ANKRD44: variants seen among roughly 807,000 people sequenced by gnomAD.
ANKRD44 encodes the protein ankyrin repeat domain 44, also known as serine/threonine-protein phosphatase 6 regulatory ankyrin repeat subunit B.
ANKRD44 carries 35 observed loss-of-function variants against 116.0 expected under a neutral mutation model. The ratio of observed to expected loss-of-function variants is 0.30; its 90% CI spans 0.23 to 0.40. The LOEUF (loss-of-function observed/expected upper bound fraction) is 0.40, where lower values mean the gene tolerates loss of function less well. ANKRD44 is among the 10% of genes least tolerant of loss of function. ANKRD44 has a pLI of 1.00. For synonymous variants in ANKRD44, 435 were observed against 461.8 expected, an observed-to-expected ratio of 0.94 and a Z score of 0.74; for missense variants, 1,014 against 1,242.6, an observed-to-expected ratio of 0.82 and a Z score of 2.77.
chr2:196,986,576 TTAAAGTTA>T, downstream of ANKRD44: 1 of 419,832 alleles, frequency 2.4e-6, no homozygotes, highest in Non-Finnish European at 3.2e-6. Context: ...TTTTCTAAAT[TTAAAGTTA>T]ATTTGGCTTG....
intron 1 of ANKRD44, among the ~76,000 whole-genome samples, chr2:197,189,327 T>C (rs1447190538): frequency 1.3e-5 from 2 of 152,230 alleles, no homozygotes; most frequent in African/African-American, 2.4e-5. Flanking sequence ...ATTCTGCTTC[T>C]TGACAAGGTG....
chr2:197,179,706 C>T (rs1020274858), intron 2 of ANKRD44, among the ~76,000 whole-genome samples: 3 of 152,170 alleles, frequency 2.0e-5, no homozygotes, highest in African/African-American at 7.2e-5. Flanking sequence ...GGTGTCTGGC[C>T]TCCATGTCCA....
intron 16 of ANKRD44, 154 bp downstream of exon 16, chr2:197,078,549 C>A: frequency 6.7e-7 from 1 of 1,500,540 alleles, no homozygotes; most frequent in Non-Finnish European, 9.0e-7. Flanking sequence ...GTAGAAAAAA[C>A]ACTTTTTGAA....
chr2:197,205,238 A>G (rs2081180104), intron 1 of ANKRD44, among the ~76,000 whole-genome samples: 1 of 152,128 alleles, frequency 6.6e-6, no homozygotes, highest in Non-Finnish European at 1.5e-5. Context: ...GTCAAATGTT[A>G]TTTCTGGTTC....
At chr2:197,178,819 T>C (rs2125571626) in intron 2 of ANKRD44, among the ~76,000 whole-genome samples, 1 of 152,330 alleles carries the variant, frequency 6.6e-6, no homozygotes, top group East Asian at 1.9e-4. Context: ...GTATAAGAAA[T>C]TAGGTAAGGA....
intron 16 of ANKRD44, among the ~76,000 whole-genome samples, chr2:197,073,415 C>T (rs924265349): frequency 6.6e-6 from 1 of 152,124 alleles, no homozygotes; most frequent in African/African-American, 2.4e-5. Context: ...CAAGGAGAAC[C>T]CCAGGCTAGC....
intron 2 of ANKRD44, among the ~76,000 whole-genome samples, chr2:197,176,887 A>AT (rs1326222354): frequency 6.6e-6 from 1 of 151,824 alleles, no homozygotes; most frequent in Non-Finnish European, 1.5e-5. Context: ...CCATATACAC[A>AT]TTTCAGGTCT....
intron 20 of ANKRD44, among the ~76,000 whole-genome samples, chr2:197,006,640 T>A (rs754544244): frequency 6.6e-6 from 1 of 152,106 alleles, no homozygotes; most frequent in Non-Finnish European, 1.5e-5. Flanking sequence ...ATGCAAAGGC[T>A]CTCAGCTTGT....
chr2:196,967,571 T>C, intron 21 of ANKRD44: 1 of 376,958 alleles, frequency 2.7e-6, no homozygotes, highest in South Asian at 1.9e-5. Context: ...TGGGGAATGC[T>C]CAAGTAAGGA....
chr2:197,152,259 T>C (rs1179964711), intron 2 of ANKRD44, among the ~76,000 whole-genome samples: 1 of 152,226 alleles, frequency 6.6e-6, no homozygotes. Flanking sequence ...AATAGTTACA[T>C]AGGCTTTTAT....
intron 1 of ANKRD44, among the ~76,000 whole-genome samples, chr2:197,252,332 GC>G (rs898370202): frequency 2.4e-5 from 2 of 82,990 alleles, no homozygotes; most frequent in African/African-American, 9.2e-5. Context: ...CCCGCTACCC[GC>G]CCCGCCCCGC....
At chr2:197,063,119 G>A (rs948380828) in intron 16 of ANKRD44, among the ~76,000 whole-genome samples, 14 of 152,184 alleles carry the variant, frequency 9.2e-5, no homozygotes, top group Admixed American at 3.9e-4. Flanking sequence ...CTGAGACGAA[G>A]CTTCCAGAGG....
chr2:196,979,554 C>CCTTTTTTTTTTT (rs2075785197), intron 21 of ANKRD44, among the ~76,000 whole-genome samples: 38 of 59,644 alleles, frequency 6.4e-4, no homozygotes, highest in African/African-American at 2.2e-3. Flanking sequence ...AATAAGATGA[C>CCTTTTTTTTTTT]TTTTTTTTTT....
chr2:197,122,928 G>T, intron 6 of ANKRD44, 136 bp from the exon 7 acceptor site: 1 of 1,014,512 alleles, frequency 9.9e-7, no homozygotes, highest in South Asian at 1.7e-5. Context: ...GCTGGTTCAT[G>T]GCAACTATTC....
intron 27 of ANKRD44, chr2:196,990,356 T>A (rs796742067): frequency 9.8e-7 from 1 of 1,015,426 alleles, no homozygotes; most frequent in African/African-American, 1.7e-5. Context: ...GAAAAATTAT[T>A]CATAGCGAAC....
At chr2:196,993,474 G>A in intron 27 of ANKRD44, 109 bp downstream of exon 27, 1 of 849,176 alleles carries the variant, frequency 1.2e-6, no homozygotes, top group South Asian at 1.6e-5. Context: ...TTCCAAGGGG[G>A]ACAGAATTCT....
chr2:197,048,338 C>G (rs975636826), intron 16 of ANKRD44, among the ~76,000 whole-genome samples: 2 of 152,148 alleles, frequency 1.3e-5, no homozygotes, highest in Non-Finnish European at 1.5e-5. Flanking sequence ...ATCCCTCCCC[C>G]TGCCCCCCAC....
At chr2:197,180,485 C>T (rs535855794) in intron 2 of ANKRD44, among the ~76,000 whole-genome samples, 2 of 152,214 alleles carry the variant, frequency 1.3e-5, no homozygotes, top group South Asian at 2.1e-4. Flanking sequence ...AGTGTGCCAC[C>T]GCCATTCCCT....
chr2:196,971,223 C>T (rs2075713735), intron 21 of ANKRD44, among the ~76,000 whole-genome samples: 1 of 152,182 alleles, frequency 6.6e-6, no homozygotes, highest in Non-Finnish European at 1.5e-5. Context: ...TGCTTGTGAT[C>T]ATACAAAATG....
Sources: gnomAD v4.1 joint callset for allele counts (sites outside exome capture counted in the v4.1 genomes callset) on GRCh38, gnomAD v4.1.1 for gene constraint, MANE v1.5 for transcripts, NCBI Gene and HGNC (gene_info 2026-07-23, HGNC 2026-07-21) for gene names.